Variants in MTRF1 observed in about 807,000 individuals in gnomAD.
MTRF1 encodes mitochondrial translation release factor 1, also known as peptide chain release factor 1, mitochondrial.
MTRF1 carries 51 observed loss-of-function variants against 62.9 expected under a neutral mutation model. That is an observed-to-expected ratio of 0.81 (90% CI 0.65 to 1.02). The LOEUF (loss-of-function observed/expected upper bound fraction) is 1.02. Among genes scored for constraint, MTRF1 ranks in the 50% least tolerant of loss-of-function variants. MTRF1 has a pLI of 0.00. For missense variants in MTRF1, 446 were observed against 530.0 expected, an observed-to-expected ratio of 0.84 and a Z score of 1.56; for synonymous variants, 158 against 181.9, an observed-to-expected ratio of 0.87 and a Z score of 1.06.
chr13:41,298,476 G>A, the MTRF1 span, among the ~76,000 whole-genome samples: 10 of 152,164 alleles, frequency 6.6e-5, no homozygotes, highest in African/African-American at 1.2e-4. Flanking sequence ...ACTACTTTTC[G>A]AAAACGAAGG....
chr13:41,282,272 G>A, the MTRF1 span, among the ~76,000 whole-genome samples: 1 of 152,138 alleles, frequency 6.6e-6, no homozygotes, highest in Non-Finnish European at 1.5e-5. Context: ...CCTGGGCAAC[G>A]GAACAAGACC....
At chr13:41,285,947 C>T in the MTRF1 span, among the ~76,000 whole-genome samples, 1 of 151,742 alleles carries the variant, frequency 6.6e-6, no homozygotes, top group African/African-American at 2.4e-5. Context: ...GCCTGTAATC[C>T]CAGCTACTTG....
the MTRF1 span, among the ~76,000 whole-genome samples, chr13:41,296,333 C>G: frequency 6.6e-6 from 1 of 152,186 alleles, no homozygotes; most frequent in African/African-American, 2.4e-5. Context: ...CTCAGCCTCC[C>G]AAAGCACTGG....
upstream of MTRF1, among the ~76,000 whole-genome samples, chr13:41,266,789 G>A (rs1378076097): frequency 1.3e-5 from 2 of 151,944 alleles, no homozygotes; most frequent in Non-Finnish European, 2.9e-5. Flanking sequence ...TCAGGAGATC[G>A]AGACCATCCT....
rs762969922 is a variant in MTRF1 at position 41,252,991 on chromosome 13, T to G, written c.547A>C (p.Asn183His). ...GCTGTCACCTCTAAAATAACATCAT[T>G]TTTGTCATATTTCTCCTTTGGCACA... ...SLVPKEKYDK[N>H]DVILEVTAGR... The change falls in exon 4 of 10, where the codon AAT (asparagine) becomes CAT (histidine). Residue 183 changes from asparagine to histidine, a missense_variant. Transcript: ENST00000379480. 5 of 1,608,494 alleles carry G rather than the reference T, an allele frequency of 3.1e-6. No individual in the cohort carries two copies. Among genetic ancestry groups the G allele is most frequent in the Non-Finnish European group, 4.2e-6 (5 of 1,178,144 alleles).
chr13:41,279,543 G>C, the MTRF1 span, among the ~76,000 whole-genome samples: 1 of 152,002 alleles, frequency 6.6e-6, no homozygotes, highest in Admixed American at 6.6e-5. Flanking sequence ...TTTTTATCTT[G>C]CCCAAATTAT....
Position 41,249,269 on chromosome 13 carries a change from C to T in MTRF1, c.697+3376G>A, listed in dbSNP as rs188449585. Among the ~76,000 whole-genome samples the T allele has an allele frequency of 2.4e-3, 366 of 152,180 alleles. 1 individual carries two copies. The highest frequency in any genetic ancestry group is 7.7e-3 in the African/African-American group (321 of 41,520). On this transcript the variant is annotated intron_variant, in intron 5 of 9. Coordinates refer to ENST00000379480, the MANE Select transcript of MTRF1 (RefSeq NM_004294.4). ...AGAAATCAATTTTTTAGGCCGGGCG[C>T]GGTGGCTCACGCCTGTAATCCCAGT...
chr13:41,252,387 T>A (rs1298532557), intron 5 of MTRF1: 2 of 279,246 alleles, frequency 7.2e-6, no homozygotes, highest in Non-Finnish European at 1.3e-5. Context: ...GCAAGATACG[T>A]ATCTAAGTTC....
the MTRF1 span, among the ~76,000 whole-genome samples, chr13:41,294,429 A>AAAAG: frequency 8.0e-5 from 12 of 150,812 alleles, no homozygotes; most frequent in South Asian, 2.1e-4. Flanking sequence ...AAAAAAAAAA[A>AAAAG]AAAGAAAGAA....
At chr13:41,294,739 A>C in the MTRF1 span, among the ~76,000 whole-genome samples, 21 of 152,316 alleles carry the variant, frequency 1.4e-4, no homozygotes, top group South Asian at 4.4e-3. Context: ...TCTATGGTAC[A>C]TATTGTCAGA....
intron 6 of MTRF1, chr13:41,236,210 G>A (rs979550071): frequency 1.3e-5 from 2 of 152,066 alleles, no homozygotes; most frequent in Admixed American, 1.3e-4. Flanking sequence ...CTGACTCCCA[G>A]GTTCAAGAGA....
chr13:41,256,170 G>T (rs1001676002), intron 2 of MTRF1, among the ~76,000 whole-genome samples: 8 of 152,220 alleles, frequency 5.3e-5, no homozygotes, highest in African/African-American at 1.9e-4. Context: ...CAGTCTGGTG[G>T]CAAACACATA....
At chr13:41,311,358 C>T in the MTRF1 span, 1 of 623,292 alleles carries the variant, frequency 1.6e-6, no homozygotes, top group Non-Finnish European at 2.8e-6. Flanking sequence ...TTCTCCATTG[C>T]CACCCGTGCC....
chr13:41,277,045 C>G, the MTRF1 span, among the ~76,000 whole-genome samples: 3 of 152,122 alleles, frequency 2.0e-5, no homozygotes, highest in African/African-American at 7.2e-5. Context: ...TTTGAAAAAC[C>G]CTTAACCTAT....
chr13:41,289,830 G>A, the MTRF1 span, among the ~76,000 whole-genome samples: 2 of 152,132 alleles, frequency 1.3e-5, no homozygotes, highest in Non-Finnish European at 2.9e-5. Context: ...ACCACACATT[G>A]CACAACCAAC....
At chr13:41,298,885 A>C in the MTRF1 span, among the ~76,000 whole-genome samples, 2 of 152,184 alleles carry the variant, frequency 1.3e-5, no homozygotes, top group African/African-American at 2.4e-5. Context: ...GTTCTGTCAA[A>C]AGAGAAGGAG....
At chr13:41,257,163 A>C (rs1423388616) in intron 2 of MTRF1, among the ~76,000 whole-genome samples, 1 of 152,220 alleles carries the variant, frequency 6.6e-6, no homozygotes, top group Non-Finnish European at 1.5e-5. Context: ...TTTTGGTTGG[A>C]AGGCAGAATA....
chr13:41,220,615 C>T lies in MTRF1; in HGVS notation c.1224+2641G>A, dbSNP rs77663271. 4.1e-4 allele frequency: 531 copies of T among 1,287,616 alleles called. 2 individuals carry two copies. The African/African-American group carries it at 7.3e-3, about 18-fold the overall frequency. 79.8% of individuals were successfully genotyped at this position (1,287,616 alleles called of 1,614,324 possible). A position where few individuals can be genotyped will look rare whatever the true frequency, so the allele number is the denominator to read the frequency against. ...TAGGAATGTGGAATGTGCAGGGTCA[C>T]GACTACCACCCGTGGAATGAGACTG... is the stretch of plus-strand genomic sequence containing the variant. On this transcript the variant is annotated intron_variant, in intron 9 of 9. Transcript: ENST00000379480.
At chr13:41,244,580 T>C (rs1481458441) in intron 5 of MTRF1, among the ~76,000 whole-genome samples, 1 of 152,220 alleles carries the variant, frequency 6.6e-6, no homozygotes, top group Non-Finnish European at 1.5e-5. Flanking sequence ...GTATGATCAA[T>C]AGCATATGGT....
Sources: allele counts gnomAD v4.1 joint callset (sites outside exome capture counted in the v4.1 genomes callset), GRCh38; gene constraint gnomAD v4.1.1; transcripts MANE v1.5; gene names NCBI Gene and HGNC (gene_info 2026-07-23, HGNC 2026-07-21).